PPP3CA: variants seen among roughly 807,000 people sequenced by gnomAD.
The protein encoded by PPP3CA is protein phosphatase 3 catalytic subunit alpha.
In PPP3CA, 14 loss-of-function variants were observed where a neutral mutation model predicts 66.5. The ratio of observed to expected loss-of-function variants is 0.21; its 90% CI spans 0.14 to 0.33. PPP3CA has a LOEUF of 0.33. Ranked by LOEUF, PPP3CA falls within the 10% of genes least tolerant of loss-of-function variation. The pLI, the probability that PPP3CA is intolerant of heterozygous loss-of-function variation, is 1.00. For synonymous variants in PPP3CA, 232 were observed against 226.2 expected, an observed-to-expected ratio of 1.03 and a Z score of -0.23; for missense variants, 317 against 639.5, an observed-to-expected ratio of 0.50 and a Z score of 5.44.
At chr4:101,175,674 G>A (rs562743950) in intron 2 of PPP3CA, among the ~76,000 whole-genome samples, 2 of 152,176 alleles carry the variant, frequency 1.3e-5, no homozygotes, top group Non-Finnish European at 2.9e-5. Flanking sequence ...AGATGTGTAT[G>A]CCTGAGTCTG....
chr4:101,264,079 C>G (rs1727092462), intron 1 of PPP3CA, among the ~76,000 whole-genome samples: 1 of 152,038 alleles, frequency 6.6e-6, no homozygotes, highest in Admixed American at 6.6e-5. Flanking sequence ...CAATTTGACC[C>G]CAATATCGAA....
intron 2 of PPP3CA, among the ~76,000 whole-genome samples, chr4:101,179,748 T>C (rs1299307077): frequency 6.6e-6 from 1 of 152,164 alleles, no homozygotes; most frequent in African/African-American, 2.4e-5. Flanking sequence ...TTAAAATATT[T>C]GAATCAAGAT....
chr4:101,049,193 G>A (rs186366197), intron 10 of PPP3CA, among the ~76,000 whole-genome samples: 74 of 152,150 alleles, frequency 4.9e-4, no homozygotes, highest in African/African-American at 1.5e-3. Flanking sequence ...GTTGTGTTCC[G>A]TCTGTTTAAT....
intron 1 of PPP3CA, among the ~76,000 whole-genome samples, chr4:101,234,981 A>T (rs1726080153): frequency 6.6e-6 from 1 of 151,774 alleles, no homozygotes; most frequent in South Asian, 2.1e-4. Flanking sequence ...ATCAATAAAT[A>T]TTGCAAACAG....
At chr4:101,266,307 C>T (rs1373597289) in intron 1 of PPP3CA, among the ~76,000 whole-genome samples, 1 of 152,026 alleles carries the variant, frequency 6.6e-6, no homozygotes, top group Admixed American at 6.6e-5. Flanking sequence ...TATACATTTA[C>T]TATTTATATC....
chr4:101,253,701 T>C (rs999095323), intron 1 of PPP3CA, among the ~76,000 whole-genome samples: 1 of 152,090 alleles, frequency 6.6e-6, no homozygotes, highest in African/African-American at 2.4e-5. Context: ...TTTGATAGAT[T>C]ATGATAACGT....
intron 11 of PPP3CA, among the ~76,000 whole-genome samples, chr4:101,033,261 TATAC>T (rs1457342824): frequency 8.8e-5 from 13 of 147,336 alleles, no homozygotes; most frequent in African/African-American, 2.5e-4. Flanking sequence ...TGCGTGTATA[TATAC>T]ATACATAGAG....
chr4:101,029,122 C>T (rs747985570), intron 13 of PPP3CA, 44 bp downstream of exon 13: 1 of 1,538,452 alleles, frequency 6.5e-7, no homozygotes, highest in East Asian at 2.3e-5. Context: ...CAGCAGAGCC[C>T]TTATCTGTTG....
intron 1 of PPP3CA, among the ~76,000 whole-genome samples, chr4:101,205,933 A>C (rs1320966102): frequency 1.3e-5 from 2 of 152,322 alleles, no homozygotes; most frequent in East Asian, 1.9e-4. Context: ...TTTGCCTGAC[A>C]GTCACCCTCC....
intron 1 of PPP3CA, among the ~76,000 whole-genome samples, chr4:101,288,159 G>A (rs1212060852): frequency 2.0e-5 from 3 of 152,112 alleles, no homozygotes; most frequent in Non-Finnish European, 4.4e-5. Flanking sequence ...AGAAACTTAA[G>A]GCTATATCTG....
intron 2 of PPP3CA, among the ~76,000 whole-genome samples, chr4:101,136,088 T>C (rs148874358): frequency 2.6e-4 from 39 of 152,352 alleles, no homozygotes; most frequent in African/African-American, 8.9e-4. Context: ...GATTAGTTTA[T>C]CTATTTTTAA....
intron 1 of PPP3CA, among the ~76,000 whole-genome samples, chr4:101,219,246 T>C (rs1219631777): frequency 6.6e-6 from 1 of 151,984 alleles, no homozygotes; most frequent in Admixed American, 6.6e-5. Context: ...TTCTTCTACT[T>C]AATAGTTAAC....
chr4:101,346,876 A>ACCGCCG lies in PPP3CA; in HGVS notation c.-81_-80insCGGCGG. On this transcript the variant is annotated 5_prime_UTR_variant, in exon 1 of 14. Coordinates refer to ENST00000394854, the MANE Select transcript of PPP3CA (RefSeq NM_000944.5). ...GACCGGACCGGCGGGCCAGACACTC[A>ACCGCCG]ACGCCGCCGCCGCCGCCGCCGCCGC... 33 of 1,304,340 alleles carry ACCGCCG rather than the reference A, an allele frequency of 2.5e-5. No homozygotes were observed. Among genetic ancestry groups the ACCGCCG allele is most frequent in the Non-Finnish European group, 3.0e-5 (29 of 969,030 alleles). 80.8% of individuals were successfully genotyped at this position (1,304,340 alleles called of 1,614,324 possible).
chr4:101,030,901 G>A (rs568132155), intron 12 of PPP3CA, among the ~76,000 whole-genome samples: 1 of 151,764 alleles, frequency 6.6e-6, no homozygotes, highest in African/African-American at 2.4e-5. Context: ...ACATGTAAAT[G>A]ATCCATTTAT....
At chr4:101,329,726 A>G (rs1318201320) in intron 1 of PPP3CA, among the ~76,000 whole-genome samples, 1 of 152,168 alleles carries the variant, frequency 6.6e-6, no homozygotes, top group Non-Finnish European at 1.5e-5. Flanking sequence ...GCCCTTAAGA[A>G]TTATGCTAAA....
At position 101,165,099 on chromosome 4, in the gene PPP3CA, G is replaced by A. The variant is rs900316822; in HGVS notation, c.259+30817C>T. Among the ~76,000 whole-genome samples, 8 of 152,206 alleles carry A rather than the reference G, an allele frequency of 5.3e-5. No homozygotes were observed. In the South Asian group the frequency reaches 1.5e-3, roughly 28 times the overall value. ...AAGAAGGTTATGCTCTATGGAATCT[G>A]CGATTAAACAAAACGGCAGCAGCTG... is the stretch of plus-strand genomic sequence containing the variant. On this transcript the variant is annotated intron_variant, in intron 2 of 13. Transcript: ENST00000394854.
intron 1 of PPP3CA, among the ~76,000 whole-genome samples, chr4:101,257,990 T>C (rs1468168743): frequency 6.6e-6 from 1 of 152,036 alleles, no homozygotes; most frequent in Non-Finnish European, 1.5e-5. Flanking sequence ...CGTAAAAAAA[T>C]TCCCTGAAAT....
At chr4:101,231,562 G>A (rs1031742228) in intron 1 of PPP3CA, among the ~76,000 whole-genome samples, 16 of 151,782 alleles carry the variant, frequency 1.1e-4, no homozygotes, top group Admixed American at 2.6e-4. Flanking sequence ...TTGAACGAAA[G>A]TGACTATAGA....
At chr4:101,070,906 AT>A (rs879685464) in intron 8 of PPP3CA, among the ~76,000 whole-genome samples, 10 of 151,816 alleles carry the variant, frequency 6.6e-5, no homozygotes, top group East Asian at 1.9e-4. Flanking sequence ...CTTCTAGCAA[AT>A]TTTTTTTTGT....
Sources: gnomAD v4.1 joint callset for allele counts (sites outside exome capture counted in the v4.1 genomes callset) on GRCh38, gnomAD v4.1.1 for gene constraint, MANE v1.5 for transcripts, NCBI Gene and HGNC (gene_info 2026-07-23, HGNC 2026-07-21) for gene names.